HNRNPU: variants seen among roughly 807,000 people sequenced by gnomAD.
HNRNPU encodes HNRNPU antisense RNA 1.
HNRNPU carries 5 observed loss-of-function variants against 94.7 expected under a neutral mutation model. The ratio of observed to expected loss-of-function variants is 0.05; its 90% CI spans 0.03 to 0.11. HNRNPU has a LOEUF of 0.11. Ranked by LOEUF, HNRNPU falls within the 10% of genes least tolerant of loss-of-function variation. HNRNPU has a pLI of 1.00. For synonymous variants in HNRNPU, 434 were observed against 381.6 expected (o/e 1.14, Z -1.60); for missense variants, 710 against 1,049.2 (o/e 0.68, Z 4.47).
chr1:244,862,950 C>A, intron 1 of HNRNPU: 1 of 579,642 alleles, frequency 1.7e-6, no homozygotes, highest in Non-Finnish European at 3.1e-6. Flanking sequence ...CTCGATGATT[C>A]GAGAAAGCCA....
chr1:244,861,586 G>A (rs1573334788), intron 3 of HNRNPU: 1 of 152,120 alleles, frequency 6.6e-6, no homozygotes, highest in Non-Finnish European at 1.5e-5. Flanking sequence ...ATTTGTACAA[G>A]AAAACATGAG....
In HNRNPU at chr1:244,853,321, A is replaced by C. The variant is rs1680595445; in HGVS notation, c.*1129T>G. 1 of 152,568 alleles carries C rather than the reference A, an allele frequency of 6.6e-6. No homozygotes were observed. The highest frequency in any genetic ancestry group is 1.5e-5 in the Non-Finnish European group (1 of 68,002). The allele number at this position is 152,568 out of a possible 1,614,324, so 9.5% of individuals were successfully genotyped here. ...CTGTCCAGAAAGCACACACTTAATAAATTTCTCCTCTTGGGAGTTATATAA... is the reference window on the plus strand; with the variant it reads ...CTGTCCAGAAAGCACACACTTAATACATTTCTCCTCTTGGGAGTTATATAA... On this transcript the variant is annotated 3_prime_UTR_variant, in exon 14 of 14. Transcript: ENST00000640218.
chr1:244,852,627 A>C lies in HNRNPU; in HGVS notation c.*1823T>G, dbSNP rs1680578145. The stretch of plus-strand genomic sequence containing the variant: ...ATGACACTATCTTCAACTGTTAAAT[A>C]TCTTATGTTAACTAAGGATTTGCCT... On this transcript the variant is annotated 3_prime_UTR_variant, in exon 14 of 14. Transcript: ENST00000640218. 6.6e-6 allele frequency: 1 copy of C among 152,218 alleles called. No individual in the cohort carries two copies. Among genetic ancestry groups the C allele is most frequent in the Non-Finnish European group, 1.5e-5 (1 of 68,034 alleles). The allele number at this position is 152,218 out of a possible 1,614,324, so 9.4% of individuals were successfully genotyped here.
At chr1:244,860,194 A>G (rs1256795925) in intron 4 of HNRNPU, 141 bp downstream of exon 4, 2 of 624,282 alleles carry the variant, frequency 3.2e-6, no homozygotes. Context: ...GAGCTACTTG[A>G]GAGACTGAAG....
At chr1:244,862,764 C>T (rs1483400641) in intron 1 of HNRNPU, 34 bp from the exon 2 acceptor site, 1 of 1,511,448 alleles carries the variant, frequency 6.6e-7, no homozygotes, top group Admixed American at 1.7e-5. Context: ...AAGGCCAAGC[C>T]TCTAAACAAC....
At chr1:244,862,814 A>T in intron 1 of HNRNPU, 84 bp from the exon 2 acceptor site, 1 of 901,064 alleles carries the variant, frequency 1.1e-6, no homozygotes, top group Admixed American at 1.9e-5. Context: ...AAGCAGCTCG[A>T]CTTTATCCTG....
intron 3 of HNRNPU, chr1:244,861,941 T>C (rs1252342335): frequency 6.5e-6 from 1 of 152,788 alleles, no homozygotes; most frequent in Non-Finnish European, 1.5e-5. Flanking sequence ...TTGGAAGAAA[T>C]CAACTTATGT....
chr1:244,863,406 A>ACGCGCGCG (rs1284535145), intron 1 of HNRNPU, among the ~76,000 whole-genome samples: 3 of 143,388 alleles, frequency 2.1e-5, no homozygotes, highest in African/African-American at 7.7e-5. Context: ...ACACACACAC[A>ACGCGCGCG]CACACACACA....
rs374155572 is a variant in HNRNPU at position 244,853,188 on chromosome 1, G to C, written c.*1262C>G. On this transcript the variant is annotated 3_prime_UTR_variant, in exon 14 of 14. Transcript: ENST00000640218. ...ATTAAATATGTTAAAAGTTGTCTGG[G>C]GGGGAGGGGAAGGGAAGAATTCAAC... 2.6e-5 allele frequency: 4 copies of C among 152,500 alleles called. No homozygotes were observed. Among genetic ancestry groups the C allele is most frequent in the Non-Finnish European group, 5.9e-5 (4 of 67,982 alleles). The allele number at this position is 152,500 out of a possible 1,614,324, so 9.4% of individuals were successfully genotyped here. A position where few individuals can be genotyped will look rare whatever the true frequency, so the allele number is the denominator to read the frequency against.
At position 244,864,134 on chromosome 1, in the gene HNRNPU, G is replaced by A. The variant is rs769693213; in HGVS notation, c.174C>T (p.Gly58=). Residue 58 remains glycine (G), a synonymous_variant, in exon 1 of 14, where the codon GGC becomes GGT. Coordinates refer to ENST00000640218, the MANE Select transcript of HNRNPU (RefSeq NM_031844.3). ...CGGAATCCCCGCCCAGGTCTAGGCTGCCGTTCCCGGGCTCCATGGCGGGGC... is the reference window on the plus strand; with the variant it reads ...CGGAATCCCCGCCCAGGTCTAGGCTACCGTTCCCGGGCTCCATGGCGGGGC... ...GGRPAMEPGN[G]SLDLGGDSAG... 1 of 1,601,240 alleles carries A rather than the reference G, an allele frequency of 6.2e-7. No individual in the cohort carries two copies. The highest frequency in any genetic ancestry group is 8.5e-7 in the Non-Finnish European group (1 of 1,174,084).
In HNRNPU at chr1:244,863,616, CCCGCCGCCGGAGCCCCGGGGCGA is replaced by C. The variant is rs754216321; in HGVS notation, c.669_691del (p.Arg224GlyfsTer11). On this transcript the variant is annotated frameshift_variant and splice_region_variant, in exon 1 of 14. Transcript: ENST00000640218. LOFTEE classifies it high-confidence loss of function. The stretch of plus-strand genomic sequence containing the variant: ...CGCGCAACGTACAACGCAGCACTCA[CCCGCCGCCGGAGCCCCGGGGCGA>C]CCGCCGCCTCCGCCGCCTTCCGCCT... The C allele has an allele frequency of 6.6e-6, 10 of 1,514,314 alleles. No individual in the cohort carries two copies. The highest frequency in any genetic ancestry group is 1.5e-5 in the African/African-American group (1 of 68,736). 93.8% of individuals were successfully genotyped at this position (1,514,314 alleles called of 1,614,324 possible). A position where few individuals can be genotyped will look rare whatever the true frequency, so the allele number is the denominator to read the frequency against.
chr1:244,864,024 CCTTCCTCCTCCT>C lies in HNRNPU; in HGVS notation c.272_283del (p.Glu91_Glu94del). The C allele has an allele frequency of 6.2e-7, 1 of 1,612,570 alleles. No individual in the cohort carries two copies. Among genetic ancestry groups the C allele is most frequent in the Non-Finnish European group, 8.5e-7 (1 of 1,179,482 alleles). ...CTGGTCGCCGTCCAGAGCGGAGATT[CCTTCCTCCTCCT>C]CTTCCTCTTCCTCCTCCTCTTCATC... is the stretch of plus-strand genomic sequence containing the variant. On this transcript the variant is annotated inframe_deletion, in exon 1 of 14. Coordinates refer to ENST00000640218, the MANE Select transcript of HNRNPU (RefSeq NM_031844.3).
At chr1:244,861,682 CTATT>C (rs1032137153) in intron 3 of HNRNPU, 37 of 147,768 alleles carry the variant, frequency 2.5e-4, no homozygotes, top group African/African-American at 8.7e-4. Flanking sequence ...ATCCTTTGGT[CTATT>C]TATCACACCC....
At chr1:244,855,652 T>TAC in intron 11 of HNRNPU, 44 bp from the exon 12 acceptor site, 1 of 1,570,644 alleles carries the variant, frequency 6.4e-7, no homozygotes, top group Non-Finnish European at 8.7e-7. Flanking sequence ...TATTGTACCC[T>TAC]ACTTATACAG....
At chr1:244,860,195 G>A (rs769000393) in intron 4 of HNRNPU, 140 bp downstream of exon 4, 48 of 633,140 alleles carry the variant, frequency 7.6e-5, no homozygotes, top group Non-Finnish European at 1.1e-4. Flanking sequence ...AGCTACTTGA[G>A]AGACTGAAGC....
Position 244,864,521 on chromosome 1 carries a change from G to A in HNRNPU, c.-214C>T, listed in dbSNP as rs775233261. ...AGGGAGACGCGGAGACTCGCCTGGC[G>A]CGAGCGAGCACGCAACGTCCTCTCG... is the stretch of plus-strand genomic sequence containing the variant. On this transcript the variant is annotated 5_prime_UTR_variant, in exon 1 of 14. Coordinates refer to ENST00000640218, the MANE Select transcript of HNRNPU (RefSeq NM_031844.3). 4.0e-6 allele frequency: 3 copies of A among 746,266 alleles called. No individual in the cohort carries two copies. Among genetic ancestry groups the A allele is most frequent in the Non-Finnish European group, 4.1e-6 (2 of 493,550 alleles). 46.2% of individuals were successfully genotyped at this position (746,266 alleles called of 1,614,324 possible).
chr1:244,860,007 AG>A (rs200833592), intron 4 of HNRNPU: 188 of 218,632 alleles, frequency 8.6e-4, no homozygotes, highest in African/African-American at 3.1e-3. Flanking sequence ...TATTTTAAAA[AG>A]GAAAAAAAAA....
In HNRNPU at chr1:244,860,463, G is replaced by A. The variant is rs146820370; in HGVS notation, c.889C>T (p.Leu297=). The change falls in exon 4 of 14, where the codon CTA becomes TTA. Residue 297 remains leucine, a synonymous_variant. Coordinates refer to ENST00000640218, the MANE Select transcript of HNRNPU (RefSeq NM_031844.3). ...VVCLDTYNCD[L]HFKISRDRLS... ...CGATCTCTTGATATTTTAAAATGTA[G>A]ATCACAATTATCTGTAATTATATCA... 6.3e-7 allele frequency: 1 copy of A among 1,592,240 alleles called. No individual in the cohort carries two copies. Among genetic ancestry groups the A allele is most frequent in the African/African-American group, 1.3e-5 (1 of 74,562 alleles).
Position 244,851,780 on chromosome 1 carries a change from CTGTA to C in HNRNPU, c.*2666_*2669del, listed in dbSNP as rs1252260968. 7.2e-5 allele frequency: 11 copies of C among 152,186 alleles called. No individual in the cohort carries two copies. Among genetic ancestry groups the C allele is most frequent in the African/African-American group, 1.7e-4 (7 of 41,434 alleles). 9.4% of individuals were successfully genotyped at this position (152,186 alleles called of 1,614,324 possible). The stretch of plus-strand genomic sequence containing the variant: ...GGTCAGAGCCAGAGCCCTTCAAAGG[CTGTA>C]TGTGAGTATATGAGGGAAAACTTTC... On this transcript the variant is annotated 3_prime_UTR_variant, in exon 14 of 14. Coordinates refer to ENST00000640218, the MANE Select transcript of HNRNPU (RefSeq NM_031844.3).
Sources: allele counts gnomAD v4.1 joint callset (sites outside exome capture counted in the v4.1 genomes callset), GRCh38; gene constraint gnomAD v4.1.1; transcripts MANE v1.5; gene names NCBI Gene and HGNC (gene_info 2026-07-23, HGNC 2026-07-21).